The following CNTN5 variants were observed in gnomAD, a reference collection of about 807,000 sequenced individuals.
CNTN5 encodes contactin 5, also known as contactin-5.
CNTN5 carries 77 observed loss-of-function variants against 129.1 expected under a neutral mutation model. The observed-to-expected ratio is 0.60, with a 90% CI of 0.50 to 0.72. The LOEUF (loss-of-function observed/expected upper bound fraction) is 0.72, where lower values mean the gene tolerates loss of function less well. Among genes scored for constraint, CNTN5 ranks in the 30% least tolerant of loss-of-function variants. CNTN5 has a pLI of 0.00. For missense variants in CNTN5, 1,478 were observed against 1,328.8 expected, an observed-to-expected ratio of 1.11 and a Z score of -1.75; for synonymous variants, 509 against 465.6, an observed-to-expected ratio of 1.09 and a Z score of -1.20.
chr11:99,392,961 G>A (rs1313495743), intron 2 of CNTN5, among the ~76,000 whole-genome samples: 1 of 151,804 alleles, frequency 6.6e-6, no homozygotes, highest in Admixed American at 6.6e-5. Flanking sequence ...TGAATAGCAT[G>A]TGGAAATAAT....
At chr11:99,091,658 T>A (rs1866259570) in intron 1 of CNTN5, among the ~76,000 whole-genome samples, 1 of 152,176 alleles carries the variant, frequency 6.6e-6, no homozygotes, top group Admixed American at 6.5e-5. Flanking sequence ...TCTGCGGGGA[T>A]GCTGCTTAGA....
intron 1 of CNTN5, among the ~76,000 whole-genome samples, chr11:99,175,749 T>C (rs1467512106): frequency 6.6e-6 from 1 of 152,114 alleles, no homozygotes; most frequent in Admixed American, 6.6e-5. Context: ...TCAGATGTAA[T>C]TTTGGCATGA....
chr11:99,905,256 G>T (rs934321516), intron 6 of CNTN5, among the ~76,000 whole-genome samples: 1 of 152,066 alleles, frequency 6.6e-6, no homozygotes, highest in Non-Finnish European at 1.5e-5. Flanking sequence ...TTTCTTCAAG[G>T]GTTTTTGTGG....
chr11:99,075,225 A>G (rs1865513440), intron 1 of CNTN5, among the ~76,000 whole-genome samples: 1 of 152,194 alleles, frequency 6.6e-6, no homozygotes, highest in Non-Finnish European at 1.5e-5. Flanking sequence ...TTTATTTTAT[A>G]TTAGCACATA....
chr11:99,272,128 AC>A (rs1256542063), intron 1 of CNTN5, among the ~76,000 whole-genome samples: 2 of 151,964 alleles, frequency 1.3e-5, no homozygotes, highest in African/African-American at 4.8e-5. Context: ...TCACAAGAAA[AC>A]TGAGCACAGA....
chr11:100,000,477 G>T (rs752333634), intron 8 of CNTN5, among the ~76,000 whole-genome samples: 1 of 152,194 alleles, frequency 6.6e-6, no homozygotes, highest in Non-Finnish European at 1.5e-5. Flanking sequence ...GGGCAGCTCT[G>T]CCCCTGTGGT....
chr11:99,983,614 G>T (rs1262076170), intron 8 of CNTN5, among the ~76,000 whole-genome samples: 1 of 152,154 alleles, frequency 6.6e-6, no homozygotes, highest in South Asian at 2.1e-4. Context: ...CAGATTAAAG[G>T]GTTGATCTAG....
At chr11:99,586,540 T>A (rs977988262) in intron 3 of CNTN5, among the ~76,000 whole-genome samples, 2 of 152,196 alleles carry the variant, frequency 1.3e-5, no homozygotes, top group Admixed American at 6.5e-5. Context: ...CTTATACAGA[T>A]AAAATGAGAT....
At chr11:99,700,809 T>C (rs1954485179) in intron 3 of CNTN5, among the ~76,000 whole-genome samples, 1 of 151,232 alleles carries the variant, frequency 6.6e-6, no homozygotes, top group South Asian at 2.1e-4. Flanking sequence ...AAGCAGACTT[T>C]GTCAAAAGGC....
chr11:99,833,746 T>A (rs1947218568), intron 4 of CNTN5, among the ~76,000 whole-genome samples: 1 of 152,162 alleles, frequency 6.6e-6, no homozygotes, highest in African/African-American at 2.4e-5. Flanking sequence ...TAATTTATAA[T>A]AGAACTTGAT....
intron 2 of CNTN5, among the ~76,000 whole-genome samples, chr11:99,463,367 G>A (rs1373822081): frequency 2.0e-5 from 3 of 149,584 alleles, no homozygotes; most frequent in Non-Finnish European, 4.4e-5. Context: ...GAACCCGGGA[G>A]GCGGAGCTTA....
intron 8 of CNTN5, among the ~76,000 whole-genome samples, chr11:99,988,016 A>C (rs1938803818): frequency 6.6e-6 from 1 of 152,230 alleles, no homozygotes; most frequent in Admixed American, 6.5e-5. Context: ...TTTAATGCAC[A>C]AAAATCCCTG....
chr11:100,188,434 C>T (rs1476799390), intron 13 of CNTN5, among the ~76,000 whole-genome samples: 1 of 151,984 alleles, frequency 6.6e-6, no homozygotes, highest in Admixed American at 6.6e-5. Context: ...GAGACTCTGT[C>T]TTAAAACAAC....
intron 1 of CNTN5, among the ~76,000 whole-genome samples, chr11:99,028,126 A>T (rs1344140750): frequency 6.6e-6 from 1 of 151,808 alleles, no homozygotes; most frequent in Non-Finnish European, 1.5e-5. Context: ...AGTAAGAAGG[A>T]GTAGTTATCT....
chr11:99,986,944 G>A (rs545309829), intron 8 of CNTN5, among the ~76,000 whole-genome samples: 5 of 152,068 alleles, frequency 3.3e-5, no homozygotes, highest in South Asian at 4.1e-4. Flanking sequence ...GACTGATTGC[G>A]GAGAAATGGA....
intron 9 of CNTN5, among the ~76,000 whole-genome samples, chr11:100,039,663 TG>T: frequency 6.6e-6 from 1 of 152,272 alleles, no homozygotes; most frequent in East Asian, 1.9e-4. Context: ...AGGCTTTGTT[TG>T]TTTCTTTTTG....
At chr11:99,895,471 A>C (rs1461192738) in intron 6 of CNTN5, among the ~76,000 whole-genome samples, 1 of 152,204 alleles carries the variant, frequency 6.6e-6, no homozygotes, top group Non-Finnish European at 1.5e-5. Flanking sequence ...AAAGGAAACA[A>C]AATAACAAGT....
chr11:99,636,087 A>ATT (rs35696243), intron 3 of CNTN5, among the ~76,000 whole-genome samples: 15 of 151,206 alleles, frequency 9.9e-5, no homozygotes, highest in East Asian at 5.9e-4. Context: ...CTAGGAAAGC[A>ATT]TTTTTTTTTA....
chr11:99,969,861 C>G (rs1951201342), intron 8 of CNTN5, among the ~76,000 whole-genome samples: 1 of 152,110 alleles, frequency 6.6e-6, no homozygotes. Flanking sequence ...GGCTTATCTT[C>G]TTAAATGTAG....
Sources: gnomAD v4.1 joint callset for allele counts (sites outside exome capture counted in the v4.1 genomes callset) on GRCh38, gnomAD v4.1.1 for gene constraint, MANE v1.5 for transcripts, NCBI Gene and HGNC (gene_info 2026-07-23, HGNC 2026-07-21) for gene names.